Variants in NCOA6 observed in about 807,000 individuals in gnomAD.
The protein encoded by NCOA6 is NRC RAP250.
A neutral mutation model predicts 171.4 loss-of-function variants in NCOA6; 49 were observed. The ratio of observed to expected loss-of-function variants is 0.29; its 90% CI spans 0.23 to 0.36. NCOA6 has a LOEUF of 0.36. Ranked by LOEUF, NCOA6 falls within the 10% of genes least tolerant of loss-of-function variation. The pLI, the probability that NCOA6 is intolerant of heterozygous loss-of-function variation, is 1.00. For missense variants in NCOA6, 2,248 were observed against 2,554.5 expected, an observed-to-expected ratio of 0.88 and a Z score of 2.59; for synonymous variants, 910 against 927.5, an observed-to-expected ratio of 0.98 and a Z score of 0.34.
At chr20:34,726,815 G>A (rs1196001831) in intron 14 of NCOA6, among the ~76,000 whole-genome samples, 1 of 150,652 alleles carries the variant, frequency 6.6e-6, no homozygotes, top group African/African-American at 2.4e-5. Flanking sequence ...CTCAAGGCCA[G>A]GTGTGGTGGC....
Position 34,746,844 on chromosome 20 carries a change from T to G in NCOA6, c.2877A>C (p.Ser959=), listed in dbSNP as rs757102703. The change falls in exon 10 of 15, where the codon TCA becomes TCC. Residue 959 remains serine (S), a synonymous_variant. Transcript: ENST00000359003. ...TTGAAAATTCTGGCAGTTTAGGGCC[T>G]GAGTTATCCAAGTTAATTCCTTGTT... ...PGEQGINLDN[S]GPKLPEFSNR... is the part of the protein sequence containing the mutation. 2.5e-6 allele frequency: 4 copies of G among 1,609,130 alleles called. No homozygotes were observed. In the East Asian group the frequency reaches 6.7e-5, roughly 27 times the overall value.
At position 34,801,751 on chromosome 20, in the gene NCOA6, T is replaced by C. The variant is rs560981746; in HGVS notation, c.-163-9188A>G. ...ATGGTGGCACGTGCCTACAGTCCTA[T>C]CTACTCGGGAGGCTGAGGCAGGAGA... On this transcript the variant is annotated intron_variant, in intron 1 of 14. Transcript: ENST00000359003. Among the ~76,000 whole-genome samples, 13 of 152,062 alleles carry C rather than the reference T, an allele frequency of 8.5e-5. No homozygotes were observed. In the South Asian group the frequency reaches 2.5e-3, roughly 29 times the overall value.
chr20:34,778,807 A>C (rs532003324), intron 3 of NCOA6, among the ~76,000 whole-genome samples: 1 of 152,094 alleles, frequency 6.6e-6, no homozygotes, highest in Non-Finnish European at 1.5e-5. Context: ...AAAATACAAA[A>C]AATTAGCCTG....
chr20:34,777,078 C>T lies in NCOA6; in HGVS notation c.236-630G>A, dbSNP rs190876412. ...GTTGTGGTGAGCCAAGACTGCGCCACTGCACTCCAGCCTGGGCAACAAAGT... is the reference window on the plus strand; with the variant it reads ...GTTGTGGTGAGCCAAGACTGCGCCATTGCACTCCAGCCTGGGCAACAAAGT... On this transcript the variant is annotated intron_variant, in intron 3 of 14. Coordinates refer to ENST00000359003, the MANE Select transcript of NCOA6 (RefSeq NM_014071.5). Among the ~76,000 whole-genome samples, 16 of 138,842 alleles carry T rather than the reference C, an allele frequency of 1.2e-4. No individual in the cohort carries two copies. The East Asian group carries it at 3.6e-3, about 31-fold the overall frequency. 91.1% of individuals were successfully genotyped at this position (138,842 alleles called of 152,430 possible). A position where few individuals can be genotyped will look rare whatever the true frequency, so the allele number is the denominator to read the frequency against.
At chr20:34,758,133 A>AT in intron 6 of NCOA6, 29 bp from the exon 7 acceptor site, 1 of 1,573,564 alleles carries the variant, frequency 6.4e-7, no homozygotes, top group Non-Finnish European at 8.6e-7. Context: ...CAAAGCAATA[A>AT]TTAACCTACT....
chr20:34,749,685 T>C lies in NCOA6; in HGVS notation c.2510A>G (p.Gln837Arg). The C allele has an allele frequency of 6.2e-7, 1 of 1,614,152 alleles. No homozygotes were observed. Among genetic ancestry groups the C allele is most frequent in the African/African-American group, 1.3e-5 (1 of 75,052 alleles). ...GTGGTTTCCCGAGGCACTGTTTCCC[T>C]GCATGGCCTGCACATGAGGGGGGAC... ...NMVPPHVQAM[Q>R]GNSASGNHFS... Residue 837 changes from glutamine to arginine, a missense_variant, in exon 9 of 15, where the codon CAG (glutamine) becomes CGG (arginine). Coordinates refer to ENST00000359003, the MANE Select transcript of NCOA6 (RefSeq NM_014071.5).
chr20:34,798,076 C>A (rs62211611), intron 1 of NCOA6, among the ~76,000 whole-genome samples: 2 of 152,128 alleles, frequency 1.3e-5, no homozygotes, highest in Non-Finnish European at 2.9e-5. Context: ...CTGGGCCAGA[C>A]AAGAGCCCAC....
intron 4 of NCOA6, among the ~76,000 whole-genome samples, chr20:34,770,650 A>C (rs1225221792): frequency 6.7e-6 from 1 of 149,152 alleles, no homozygotes; most frequent in Non-Finnish European, 1.5e-5. Flanking sequence ...TTTTTTTTTG[A>C]ATCGGAGTGT....
At chr20:34,809,320 T>C (rs1024602120) in intron 1 of NCOA6, 7 of 394,244 alleles carry the variant, frequency 1.8e-5, no homozygotes, top group Non-Finnish European at 3.1e-5. Context: ...CTTGCCAAAG[T>C]AAAATACCCT....
chr20:34,722,524 TA>T (rs1482794399), intron 14 of NCOA6, among the ~76,000 whole-genome samples: 3 of 149,218 alleles, frequency 2.0e-5, no homozygotes, highest in Non-Finnish European at 4.5e-5. Flanking sequence ...ACAAAAAAAT[TA>T]AAAAATTAGC....
rs528464880 is a variant in NCOA6, at chr20:34,812,170, T to C, written c.-164+13302A>G. Among the ~76,000 whole-genome samples the C allele has an allele frequency of 5.9e-4, 90 of 152,004 alleles. 1 individual carries two copies. The highest frequency in any genetic ancestry group is 1.1e-3 in the Non-Finnish European group (74 of 67,972). ...TGGGAGGCTGAGGCATGAGAATCTC[T>C]TGAACCAGGGAGGAAGAGGTTGCAG... On this transcript the variant is annotated intron_variant, in intron 1 of 14. Transcript: ENST00000359003.
At chr20:34,816,688 G>C (rs1390377237) in intron 1 of NCOA6, among the ~76,000 whole-genome samples, 1 of 152,046 alleles carries the variant, frequency 6.6e-6, no homozygotes, top group Non-Finnish European at 1.5e-5. Flanking sequence ...GTATGAGCCA[G>C]CTATTTGGGA....
chr20:34,802,774 G>T (rs1478215553), intron 1 of NCOA6, among the ~76,000 whole-genome samples: 1 of 152,146 alleles, frequency 6.6e-6, no homozygotes, highest in Non-Finnish European at 1.5e-5. Flanking sequence ...AAATGCACAT[G>T]AACTGAAAGG....
In NCOA6 at chr20:34,799,374, G is replaced by A. The variant is rs60091945; in HGVS notation, c.-163-6811C>T. On this transcript the variant is annotated intron_variant, in intron 1 of 14. Coordinates refer to ENST00000359003, the MANE Select transcript of NCOA6 (RefSeq NM_014071.5). The stretch of plus-strand genomic sequence containing the variant: ...CAAAAGGGCAAATCTAAGAGTTACT[G>A]GCCTTAAAGAGGAGGTAGAGTGAAA... 5.5e-3 allele frequency among the ~76,000 whole-genome samples: 836 copies of A among 152,270 alleles called. 6 individuals carry two copies. Among genetic ancestry groups the A allele is most frequent in the African/African-American group, 0.019 (794 of 41,556 alleles).
intron 1 of NCOA6, among the ~76,000 whole-genome samples, chr20:34,811,750 T>A (rs1217567817): frequency 2.0e-5 from 3 of 152,200 alleles, no homozygotes; most frequent in African/African-American, 7.2e-5. Context: ...AATGCCTCCA[T>A]CTGAATATTA....
At position 34,750,167 on chromosome 20, in the gene NCOA6, C is replaced by T. The variant is rs972165946; in HGVS notation, c.2028G>A (p.Arg676=). The T allele has an allele frequency of 6.2e-7, 1 of 1,612,934 alleles. No homozygotes were observed. The highest frequency in any genetic ancestry group is 1.7e-5 in the Admixed American group (1 of 59,936). ...PSQNLGPSPQ[R]MTPPKQMLSQ... ...AAAGCATCTGCTTGGGTGGGGTCAT[C>T]CTTTGGGGCGAGGGCCCAAGATTTT... Residue 676 remains arginine (R), a synonymous_variant, in exon 9 of 15, where the codon AGG becomes AGA. Transcript: ENST00000359003.
At chr20:34,801,310 A>C (rs1431467886) in intron 1 of NCOA6, among the ~76,000 whole-genome samples, 1 of 152,178 alleles carries the variant, frequency 6.6e-6, no homozygotes, top group Non-Finnish European at 1.5e-5. Flanking sequence ...TAGAAAAGCA[A>C]GAGCAAACCA....
chr20:34,789,374 C>A (rs1310786776), intron 2 of NCOA6, among the ~76,000 whole-genome samples: 1 of 152,180 alleles, frequency 6.6e-6, no homozygotes, highest in Non-Finnish European at 1.5e-5. Flanking sequence ...AACAGTTTTT[C>A]TGATTACTGA....
rs754018782 is a variant in NCOA6, at chr20:34,743,172, C to G, written c.3084G>C (p.Gln1028His). 3 of 1,613,492 alleles carry G rather than the reference C, an allele frequency of 1.9e-6. No individual in the cohort carries two copies. The South Asian group carries it at 3.3e-5, about 18-fold the overall frequency. ...PSQPQSQQQQ[Q>H]QQQQMMMMLM... The stretch of plus-strand genomic sequence containing the variant: ...GCATCATCATCATTTGTTGCTGCTG[C>G]TGCTGCTGCTGCTGAGACTGTGGCT... Residue 1028 changes from glutamine to histidine, a missense_variant, in exon 11 of 15, where the codon CAG (glutamine) becomes CAC (histidine). Gln to His is a conservative substitution (Grantham distance 24). Around this residue, in one of 7 missense-constraint regions of NCOA6, gnomAD observed 352 missense variants for 419.1 expected, o/e 0.84. Coordinates refer to ENST00000359003, the MANE Select transcript of NCOA6 (RefSeq NM_014071.5).
Sources: allele counts gnomAD v4.1 joint callset (sites outside exome capture counted in the v4.1 genomes callset), GRCh38; gene constraint gnomAD v4.1.1; regional missense constraint gnomAD v4.1.1; transcripts MANE v1.5; gene names NCBI Gene and HGNC (gene_info 2026-07-23, HGNC 2026-07-21).